The following CDH18 variants were observed in gnomAD, a reference collection of about 807,000 sequenced individuals.
CDH18 encodes the protein cadherin 18, also known as cadherin-18.
In CDH18, 31 loss-of-function variants were observed where a neutral mutation model predicts 67.9. The observed-to-expected ratio is 0.46, with a 90% CI of 0.34 to 0.62. The LOEUF is 0.62. Among genes scored for constraint, CDH18 ranks in the 20% least tolerant of loss-of-function variants. The pLI is 0.01. For missense variants in CDH18, 890 were observed against 975.5 expected, an observed-to-expected ratio of 0.91 and a Z score of 1.17; for synonymous variants, 362 against 347.2, an observed-to-expected ratio of 1.04 and a Z score of -0.48.
intron 6 of CDH18, among the ~76,000 whole-genome samples, chr5:19,602,466 C>T (rs1441835858): frequency 1.3e-5 from 2 of 151,854 alleles, no homozygotes; most frequent in Non-Finnish European, 2.9e-5. Flanking sequence ...GCAAAACACA[C>T]ACACACACAC....
chr5:19,635,647 G>C (rs1375741737), intron 5 of CDH18, among the ~76,000 whole-genome samples: 1 of 152,024 alleles, frequency 6.6e-6, no homozygotes, highest in East Asian at 1.9e-4. Context: ...AACAAACAAA[G>C]AGTATAAATT....
At chr5:20,546,396 A>G (rs947937862) in intron 1 of CDH18, among the ~76,000 whole-genome samples, 20 of 119,062 alleles carry the variant, frequency 1.7e-4, no homozygotes, top group South Asian at 2.8e-4. Flanking sequence ...CTTTCACACT[A>G]CTATAAAAAA....
intron 2 of CDH18, among the ~76,000 whole-genome samples, chr5:20,056,473 C>CTTTTTTT (rs1561754004): frequency 1.5e-4 from 2 of 13,564 alleles, no homozygotes; most frequent in African/African-American, 2.8e-4. Context: ...TATTTTCTTT[C>CTTTTTTT]TTTTGTTTTT....
At chr5:20,443,306 GCTTT>G (rs1749771512) in intron 1 of CDH18, among the ~76,000 whole-genome samples, 1 of 149,048 alleles carries the variant, frequency 6.7e-6, no homozygotes, top group Non-Finnish European at 1.5e-5. Flanking sequence ...TTATGTTCTT[GCTTT>G]AAGAGATACA....
intron 2 of CDH18, among the ~76,000 whole-genome samples, chr5:20,080,553 A>G (rs1744364941): frequency 6.6e-6 from 1 of 152,202 alleles, no homozygotes; most frequent in African/African-American, 2.4e-5. Context: ...TACAGTGTTA[A>G]TTAAAATACT....
chr5:19,994,768 G>GATGT (rs1735819122), intron 2 of CDH18, among the ~76,000 whole-genome samples: 1 of 104,058 alleles, frequency 9.6e-6, no homozygotes, highest in African/African-American at 3.9e-5. Flanking sequence ...GAGAGAGAGA[G>GATGT]AGAGAGAGAG....
At chr5:20,485,811 C>G (rs1455751393) in intron 1 of CDH18, among the ~76,000 whole-genome samples, 1 of 152,090 alleles carries the variant, frequency 6.6e-6, no homozygotes, top group Admixed American at 6.6e-5. Context: ...AAAAACATGT[C>G]ATAGTTAACA....
At chr5:19,726,081 A>G (rs542338231) in intron 4 of CDH18, among the ~76,000 whole-genome samples, 19 of 152,334 alleles carry the variant, frequency 1.2e-4, no homozygotes, top group Non-Finnish European at 2.4e-4. Flanking sequence ...TTGCCACATG[A>G]AAGGAGGAGA....
chr5:20,227,082 A>T (rs1268554396), intron 2 of CDH18, among the ~76,000 whole-genome samples: 1 of 152,084 alleles, frequency 6.6e-6, no homozygotes, highest in Non-Finnish European at 1.5e-5. Context: ...CACATTGCAC[A>T]GTTGGTGAGA....
chr5:19,519,470 A>G (rs1294935090), intron 10 of CDH18, among the ~76,000 whole-genome samples: 3 of 152,170 alleles, frequency 2.0e-5, no homozygotes, highest in African/African-American at 7.2e-5. Flanking sequence ...TGACTCAGAA[A>G]GGGCATATTT....
chr5:20,069,793 C>A (rs921655533), intron 2 of CDH18, among the ~76,000 whole-genome samples: 1 of 152,078 alleles, frequency 6.6e-6, no homozygotes, highest in East Asian at 1.9e-4. Context: ...CAGAGATTGC[C>A]CATATACCTC....
intron 1 of CDH18, among the ~76,000 whole-genome samples, chr5:20,410,290 T>C (rs1398289261): frequency 6.6e-6 from 1 of 151,816 alleles, no homozygotes; most frequent in African/African-American, 2.4e-5. Flanking sequence ...CATACCATGA[T>C]TAAATGGGAC....
chr5:20,304,803 C>G, intron 1 of CDH18: 1 of 1,610,978 alleles, frequency 6.2e-7, no homozygotes, highest in Non-Finnish European at 8.5e-7. Flanking sequence ...GTGTTTCAGC[C>G]GCAGCTTTGT....
At chr5:20,417,070 T>C (rs1241630902) in intron 1 of CDH18, among the ~76,000 whole-genome samples, 2 of 152,148 alleles carry the variant, frequency 1.3e-5, no homozygotes, top group African/African-American at 4.8e-5. Context: ...TAACAACCAT[T>C]TGATTTCCAA....
At chr5:20,164,065 T>C (rs966494301) in intron 2 of CDH18, among the ~76,000 whole-genome samples, 5 of 152,180 alleles carry the variant, frequency 3.3e-5, no homozygotes, top group Non-Finnish European at 5.9e-5. Flanking sequence ...AATTTATGGA[T>C]GATTTAACAA....
intron 9 of CDH18, among the ~76,000 whole-genome samples, chr5:19,521,766 A>C (rs1257279878): frequency 6.6e-6 from 1 of 152,068 alleles, no homozygotes; most frequent in Non-Finnish European, 1.5e-5. Context: ...AGAGAAAATA[A>C]ATTTTTCAGT....
intron 2 of CDH18, among the ~76,000 whole-genome samples, chr5:20,145,242 T>C (rs1750552941): frequency 1.3e-5 from 2 of 152,346 alleles, no homozygotes; most frequent in Middle Eastern, 3.4e-3. Flanking sequence ...TATACATTGA[T>C]GAAGTATTCT....
chr5:20,528,948 C>G (rs957701333), intron 1 of CDH18, among the ~76,000 whole-genome samples: 1 of 138,518 alleles, frequency 7.2e-6, no homozygotes, highest in African/African-American at 2.5e-5. Flanking sequence ...ATCAATGAAT[C>G]CAGGAGCTGG....
intron 2 of CDH18, among the ~76,000 whole-genome samples, chr5:19,873,693 G>A (rs1280889816): frequency 6.6e-6 from 1 of 152,050 alleles, no homozygotes; most frequent in Non-Finnish European, 1.5e-5. Context: ...TGTCGCCCAG[G>A]CTGGAGTGCA....
Sources: allele counts gnomAD v4.1 joint callset (sites outside exome capture counted in the v4.1 genomes callset), GRCh38; gene constraint gnomAD v4.1.1; transcripts MANE v1.5; gene names NCBI Gene and HGNC (gene_info 2026-07-23, HGNC 2026-07-21).